CCHCR1: variants seen among roughly 807,000 people sequenced by gnomAD.
The protein encoded by CCHCR1 is HCR (a-helix coiled-coil rod homologue).
In CCHCR1, 91 loss-of-function variants were observed where a neutral mutation model predicts 114.6. That is an observed-to-expected ratio of 0.79 (90% confidence interval 0.67 to 0.94). The LOEUF (loss-of-function observed/expected upper bound fraction) is 0.94, where lower values mean the gene tolerates loss of function less well. Ranked by LOEUF, CCHCR1 falls within the 40% of genes least tolerant of loss-of-function variation. CCHCR1 has a pLI of 0.00. For missense variants in CCHCR1, 899 were observed against 1,079.9 expected (o/e 0.83, Z 2.35); for synonymous variants, 379 against 428.5 (o/e 0.88, Z 1.43).
intron 17 of CCHCR1, 97 bp downstream of exon 17, chr6:31,142,866 G>T: frequency 6.7e-7 from 1 of 1,494,258 alleles, no homozygotes. Flanking sequence ...GGGCCTCGAA[G>T]GACCGCAGAG....
At chr6:31,148,861 C>CCCCCAAG in intron 8 of CCHCR1, 133 bp from the exon 9 acceptor site, 1 of 27,462 alleles carries the variant, frequency 3.6e-5, no homozygotes, top group Non-Finnish European at 7.2e-5. Flanking sequence ...GGGCGGGCGA[C>CCCCCAAG]GGGGGTGGGT....
At chr6:31,156,290 C>T (rs1378338696) in intron 3 of CCHCR1, 1 of 167,266 alleles carries the variant, frequency 6.0e-6, no homozygotes, top group Non-Finnish European at 1.3e-5. Context: ...TGGGAAAAGA[C>T]ACATGAAACA....
rs1229217659 is a variant in CCHCR1 at position 31,157,488 on chromosome 6, G to A, written c.113C>T (p.Pro38Leu). 6.2e-7 allele frequency: 1 copy of A among 1,613,018 alleles called. No homozygotes were observed. The highest frequency in any genetic ancestry group is 2.2e-5 in the East Asian group (1 of 44,874). ...LDGLPSGLAE[P>L]WRELWRWRSR... is the part of the protein sequence containing the mutation. ...GCGCCATCTCCAGAGTTCTCTCCAT[G>A]GCTCAGCAAGGCCTGAGGGAAGCCC... Residue 38 changes from proline (P) to leucine (L), a missense_variant, in exon 1 of 18, where the codon CCA becomes CTA. By Grantham distance (98) the Pro-to-Leu change is moderately conservative. Coordinates refer to ENST00000396268, the MANE Select transcript of CCHCR1 (RefSeq NM_001105564.2).
At chr6:31,147,183 G>C (rs1320030546) in intron 10 of CCHCR1, among the ~76,000 whole-genome samples, 2 of 151,854 alleles carry the variant, frequency 1.3e-5, no homozygotes, top group Non-Finnish European at 2.9e-5. Flanking sequence ...GGCGGATCAC[G>C]AGGTCAGAAG....
Position 31,157,563 on chromosome 6 carries a change from C to T in CCHCR1, c.38G>A (p.Ser13Asn), listed in dbSNP as rs768016602. The stretch of plus-strand genomic sequence containing the variant: ...TCTTGGGTCCTTCCCTGTTAAAGTG[C>T]TGGCCCAAGGCCTGGCCCCAGCTGA... ...PHSAGARPWASTLTGKDPRVM... is the reference protein window; with the variant it reads ...PHSAGARPWANTLTGKDPRVM... The change falls in exon 1 of 18, where the codon AGC becomes AAC. Residue 13 changes from serine (S) to asparagine (N), a missense_variant. Transcript: ENST00000396268. 3.7e-6 allele frequency: 6 copies of T among 1,612,800 alleles called. No individual in the cohort carries two copies. Among genetic ancestry groups the T allele is most frequent in the East Asian group, 2.2e-5 (1 of 44,884 alleles).
rs200264040 is a variant in CCHCR1, at chr6:31,148,393, C to A, written c.1580+12G>T. The A allele has an allele frequency of 6.0e-6, 9 of 1,508,222 alleles. No individual in the cohort carries two copies. Among genetic ancestry groups the A allele is most frequent in the African/African-American group, 1.4e-5 (1 of 72,684 alleles). The allele number at this position is 1,508,222 out of a possible 1,614,324, so 93.4% of individuals were successfully genotyped here. On this transcript the variant is annotated intron_variant, in intron 10 of 17. Coordinates refer to ENST00000396268, the MANE Select transcript of CCHCR1 (RefSeq NM_001105564.2). ...AGAAACACTACTCCACCCACCCCTCCATCCCTGATACCTGCTGACAGCATT... is the reference window on the plus strand; with the variant it reads ...AGAAACACTACTCCACCCACCCCTCAATCCCTGATACCTGCTGACAGCATT...
chr6:31,148,592 C>T lies in CCHCR1; in HGVS notation c.1473+26G>A, dbSNP rs778703583. On this transcript the variant is annotated intron_variant, in intron 9 of 17. Coordinates refer to ENST00000396268, the MANE Select transcript of CCHCR1 (RefSeq NM_001105564.2). ...GGAACAGGGGCTCCCTTGCCCTCCC[C>T]GAGTCTCTAGTAGGCTGACACCAAC... The T allele has an allele frequency of 3.7e-6, 6 of 1,600,866 alleles. No homozygotes were observed. In the Middle Eastern group the frequency reaches 5.0e-4, roughly 132 times the overall value.
rs1277955558 is a variant in CCHCR1, at chr6:31,151,646, G to A, written c.802-524C>T. ...TGGCTTCACTGGGCCCTCTAATACC[G>A]TCCCTCCCCACCCTACTCTGCCCCA... On this transcript the variant is annotated intron_variant, in intron 4 of 17. Coordinates refer to ENST00000396268, the MANE Select transcript of CCHCR1 (RefSeq NM_001105564.2). This position sits in a 1 kb window ranked among gnomAD's most constrained non-coding sequence, Gnocchi z 4.1. Among the ~76,000 whole-genome samples the A allele has an allele frequency of 1.3e-5, 2 of 152,058 alleles. No homozygotes were observed. The highest frequency in any genetic ancestry group is 1.5e-5 in the Non-Finnish European group (1 of 68,020).
In CCHCR1 at chr6:31,151,111, C is replaced by G; in HGVS notation, c.813G>C (p.Leu271Phe). Residue 271 changes from leucine (L) to phenylalanine (F), a missense_variant, in exon 5 of 18, where the codon TTG becomes TTC. Coordinates refer to ENST00000396268, the MANE Select transcript of CCHCR1 (RefSeq NM_001105564.2). This position sits in a 1 kb window ranked among gnomAD's most constrained non-coding sequence, Gnocchi z 4.1. Reference sequence around the variant, plus strand: ...AAAGAGCCTCCTCGTGAGCCTGTGTCAAAGAGGACAGCTGCGGAAAGAAGA... The same window carrying G: ...AAAGAGCCTCCTCGTGAGCCTGTGTGAAAGAGGACAGCTGCGGAAAGAAGA... Reference protein sequence around the residue: ...QRLHQEQLSSLTQAHEEALSS... With the variant: ...QRLHQEQLSSFTQAHEEALSS... 1 of 1,612,678 alleles carries G rather than the reference C, an allele frequency of 6.2e-7. No individual in the cohort carries two copies. The highest frequency in any genetic ancestry group is 8.5e-7 in the Non-Finnish European group (1 of 1,179,844).
At chr6:31,156,663 G>A in intron 3 of CCHCR1, 68 bp downstream of exon 3, 1 of 1,337,448 alleles carries the variant, frequency 7.5e-7, no homozygotes, top group Non-Finnish European at 1.0e-6. Context: ...ATAGGGTAAG[G>A]AGTTTATTCC....
rs9257057 is a variant in CCHCR1 at position 31,155,603 on chromosome 6, C to CAAAAAAAAA, written c.498-805_498-804insTTTTTTTTT. ...TGGGCGACAGAGTGAGACTCCATCTCAAAAAAAAGGCATTTATTGAGTGTT... is the reference window on the plus strand; with the variant it reads ...TGGGCGACAGAGTGAGACTCCATCTCAAAAAAAAAAAAAAAAAGGCATTTATTGAGTGTT... On this transcript the variant is annotated intron_variant, in intron 3 of 17. Coordinates refer to ENST00000396268, the MANE Select transcript of CCHCR1 (RefSeq NM_001105564.2). 9.3e-5 allele frequency among the ~76,000 whole-genome samples: 9 copies of CAAAAAAAAA among 96,780 alleles called. 1 individual carries two copies. The highest frequency in any genetic ancestry group is 1.0e-4 in the Non-Finnish European group (5 of 49,718). The allele number at this position is 96,780 out of a possible 152,430, so 63.5% of individuals were successfully genotyped here.
At position 31,150,634 on chromosome 6, in the gene CCHCR1, G is replaced by C; in HGVS notation, c.1102-69C>G. On this transcript the variant is annotated intron_variant, in intron 6 of 17. Coordinates refer to ENST00000396268, the MANE Select transcript of CCHCR1 (RefSeq NM_001105564.2). This position sits in a 1 kb window ranked among gnomAD's most constrained non-coding sequence, Gnocchi z 5.3. Reference sequence around the variant, plus strand: ...GCCTTAGGTACCACCTTCTCTCCCGGAGGCTGTGCTCTACACGCTCCTCCA... The same window carrying C: ...GCCTTAGGTACCACCTTCTCTCCCGCAGGCTGTGCTCTACACGCTCCTCCA... The C allele has an allele frequency of 6.3e-7, 1 of 1,590,692 alleles. No homozygotes were observed. Among genetic ancestry groups the C allele is most frequent in the Non-Finnish European group, 8.6e-7 (1 of 1,164,982 alleles).
chr6:31,142,871 G>A (rs1055228748), intron 17 of CCHCR1, 92 bp downstream of exon 17: 21 of 1,496,050 alleles, frequency 1.4e-5, no homozygotes, highest in Middle Eastern at 2.4e-4. Context: ...TCGAAGGACC[G>A]CAGAGAACAA....
intron 13 of CCHCR1, 32 bp from the exon 14 acceptor site, chr6:31,145,105 C>G (rs773444233): frequency 2.7e-5 from 44 of 1,602,108 alleles, no homozygotes; most frequent in Middle Eastern, 3.3e-4. Flanking sequence ...TCAGGCCTCT[C>G]CCAGCACCCT....
chr6:31,145,997 T>C (rs1315033166), intron 10 of CCHCR1, among the ~76,000 whole-genome samples, 189 bp from the exon 11 acceptor site: 1 of 152,176 alleles, frequency 6.6e-6, no homozygotes, highest in Admixed American at 6.5e-5. Flanking sequence ...AAGCAACCTG[T>C]TAAGCTTATT....
chr6:31,147,054 C>T (rs949191028), intron 10 of CCHCR1, among the ~76,000 whole-genome samples: 4 of 152,170 alleles, frequency 2.6e-5, no homozygotes, highest in African/African-American at 9.7e-5. Flanking sequence ...ATTAACCCAT[C>T]AAGAAGAGCC....
At chr6:31,153,733 C>G (rs1001559201) in intron 4 of CCHCR1, among the ~76,000 whole-genome samples, 3 of 152,190 alleles carry the variant, frequency 2.0e-5, no homozygotes, top group African/African-American at 7.2e-5. Flanking sequence ...GTGCGCACCA[C>G]CACGCCTGGT....
intron 17 of CCHCR1, 24 bp from the exon 18 acceptor site, chr6:31,142,740 G>A: frequency 6.3e-7 from 1 of 1,596,848 alleles, no homozygotes; most frequent in African/African-American, 1.3e-5. Flanking sequence ...CAGCAGATGA[G>A]CACCAGACAA....
chr6:31,152,555 T>C (rs1349874190), intron 4 of CCHCR1, among the ~76,000 whole-genome samples: 1 of 152,020 alleles, frequency 6.6e-6, no homozygotes, highest in Non-Finnish European at 1.5e-5. Context: ...GCCAGGCTGG[T>C]CTCGAACTCC....
Sources: allele counts gnomAD v4.1 joint callset (sites outside exome capture counted in the v4.1 genomes callset), GRCh38; gene constraint gnomAD v4.1.1; non-coding constraint Gnocchi (gnomAD v3.1); transcripts MANE v1.5; gene names NCBI Gene and HGNC (gene_info 2026-07-23, HGNC 2026-07-21).